The following TTC22 variants were observed in gnomAD, a reference collection of about 807,000 sequenced individuals.
The protein encoded by TTC22 is tetratricopeptide repeat protein 22.
A neutral mutation model predicts 48.2 loss-of-function variants in TTC22; 42 were observed. The ratio of observed to expected loss-of-function variants is 0.87; its 90% CI spans 0.68 to 1.13. The LOEUF (loss-of-function observed/expected upper bound fraction) is 1.13, where lower values mean the gene tolerates loss of function less well. Ranked by LOEUF, TTC22 falls within the 50% of genes most tolerant of loss-of-function variation. The probability of loss-of-function intolerance (pLI) is 0.00; values close to 1 mark genes in which losing one functional copy is unlikely to be tolerated. For missense variants in TTC22, 784 were observed against 807.0 expected, an observed-to-expected ratio of 0.97 and a Z score of 0.34; for synonymous variants, 345 against 365.5, an observed-to-expected ratio of 0.94 and a Z score of 0.64.
In TTC22 at chr1:54,787,009, C is replaced by T. The variant is rs770467589; in HGVS notation, c.806G>A (p.Gly269Asp). 30 of 1,563,176 alleles carry T rather than the reference C, an allele frequency of 1.9e-5. No individual in the cohort carries two copies. The highest frequency in any genetic ancestry group is 3.4e-4 in the Middle Eastern group (2 of 5,832). ...RKDTFSTTPMGVHDCGYSGTD... is the reference protein window; with the variant it reads ...RKDTFSTTPMDVHDCGYSGTD... ...CCCTGAGTACCCGCAGTCATGGACG[C>T]CCATGGGGGTGGTGGAGAAGGTGTC... Residue 269 changes from glycine to aspartate, a missense_variant, in exon 4 of 7, where the codon GGC becomes GAC. Transcript: ENST00000371276.
At position 54,794,428 on chromosome 1, in the gene TTC22, T is replaced by A. The variant is rs576051880; in HGVS notation, c.567+6169A>T. On this transcript the variant is annotated intron_variant, in intron 1 of 6. Coordinates refer to ENST00000371276, the MANE Select transcript of TTC22 (RefSeq NM_001114108.2). ...GGGGAGCTTGGCTATTTTAAGTTAT[T>A]CCAATAGAAGATCTTTCACTACCCC... is the stretch of plus-strand genomic sequence containing the variant. Among the ~76,000 whole-genome samples the A allele has an allele frequency of 2.0e-5, 3 of 152,326 alleles. No homozygotes were observed. In the South Asian group the frequency reaches 6.2e-4, roughly 32 times the overall value.
chr1:54,781,284 C>A lies in TTC22; in HGVS notation c.1669G>T (p.Gly557Cys). 6.8e-7 allele frequency: 1 copy of A among 1,478,278 alleles called. No homozygotes were observed. The highest frequency in any genetic ancestry group is 2.4e-5 in the Admixed American group (1 of 41,368). The allele number at this position is 1,478,278 out of a possible 1,614,324, so 91.6% of individuals were successfully genotyped here. ...CGGCGGTCCCGCGGCGCGCTGGCGC[C>A]CTCGCCCTCGCGCTCCATGGTCTCG... ...LFETMEREGEGASAPRDRRAV... is the reference protein window; with the variant it reads ...LFETMEREGECASAPRDRRAV... Residue 557 changes from glycine to cysteine, a missense_variant, in exon 7 of 7, where the codon GGC becomes TGC. Physicochemically the swap from Gly to Cys is radical, Grantham distance 159 (BLOSUM62 -3). Transcript: ENST00000371276.
rs1646310056 is a variant in TTC22 at position 54,787,067 on chromosome 1, A to C, written c.748T>G (p.Trp250Gly). The C allele has an allele frequency of 6.6e-7, 1 of 1,516,772 alleles. No homozygotes were observed. The highest frequency in any genetic ancestry group is 8.9e-7 in the Non-Finnish European group (1 of 1,128,166). 94.0% of individuals were successfully genotyped at this position (1,516,772 alleles called of 1,614,324 possible). Residue 250 changes from tryptophan (W) to glycine (G), a missense_variant, in exon 4 of 7, where the codon TGG becomes GGG. Coordinates refer to ENST00000371276, the MANE Select transcript of TTC22 (RefSeq NM_001114108.2). ...TCCAGCAGCATCCCGAGGTAGCACCAGGCCAGGGCTGGGGGTGAAGGGTGG... is the reference window on the plus strand; with the variant it reads ...TCCAGCAGCATCCCGAGGTAGCACCCGGCCAGGGCTGGGGGTGAAGGGTGG... ...SEDPRHRALA[W>G]CYLGMLLERK...
At chr1:54,781,823 C>G (rs1006101728) in intron 6 of TTC22, 44 bp from the exon 7 acceptor site, 215 of 1,377,422 alleles carry the variant, frequency 1.6e-4, no homozygotes, top group Non-Finnish European at 1.9e-4. Flanking sequence ...GCAGGCGCGG[C>G]TCCACGCTCA....
chr1:54,785,995 G>A lies in TTC22; in HGVS notation c.1008C>T (p.Cys336=). ...GAAGTTGACCCACCTTGGCCCTTGT[G>A]CAGTACGCCTGCCAGTTGAGTTCTG... ...RDPELNWQAY[C]TRAKIHIRAY... Residue 336 remains cysteine (C), a synonymous_variant, in exon 5 of 7, where the codon TGC becomes TGT. Coordinates refer to ENST00000371276, the MANE Select transcript of TTC22 (RefSeq NM_001114108.2). 1 of 1,613,666 alleles carries A rather than the reference G, an allele frequency of 6.2e-7. No individual in the cohort carries two copies. The highest frequency in any genetic ancestry group is 8.5e-7 in the Non-Finnish European group (1 of 1,179,866).
chr1:54,781,625 C>G lies in TTC22; in HGVS notation c.1328G>C (p.Arg443Pro). The part of the protein sequence containing the change: ...ELQLLRGKCL[R>P]IKGEDANAAA... Reference sequence around the variant, plus strand: ...CGCGTTGGCGTCCTCGCCCTTGATGCGCAGGCACTTGCCGCGCAGCAGCTG... The same window carrying G: ...CGCGTTGGCGTCCTCGCCCTTGATGGGCAGGCACTTGCCGCGCAGCAGCTG... The change falls in exon 7 of 7, where the codon CGC becomes CCC. Residue 443 changes from arginine to proline, a missense_variant. By Grantham distance (103) the Arg-to-Pro change is moderately radical (BLOSUM62 -2). Transcript: ENST00000371276. 3.9e-6 allele frequency: 6 copies of G among 1,530,278 alleles called. No individual in the cohort carries two copies. The highest frequency in any genetic ancestry group is 5.2e-6 in the Non-Finnish European group (6 of 1,144,012). 94.8% of individuals were successfully genotyped at this position (1,530,278 alleles called of 1,614,324 possible). A position where few individuals can be genotyped will look rare whatever the true frequency, so the allele number is the denominator to read the frequency against.
intron 1 of TTC22, among the ~76,000 whole-genome samples, chr1:54,796,289 G>A (rs551488006): frequency 2.9e-4 from 44 of 152,336 alleles, no homozygotes; most frequent in Non-Finnish European, 5.4e-4. Context: ...TCCCCACCCC[G>A]CTGGGCGCAG....
At chr1:54,786,876 G>A in intron 4 of TTC22, 81 bp downstream of exon 4, 1 of 644,196 alleles carries the variant, frequency 1.6e-6, no homozygotes, top group Non-Finnish European at 2.5e-6. Flanking sequence ...GATACCCAGA[G>A]AAGCCTGGGT....
Position 54,781,232 on chromosome 1 carries a change from G to A in TTC22, c.*11C>T, listed in dbSNP as rs1247398441. ...GGGTCCCAGGGAGCCTCCGGCCTGG[G>A]CACCTGAGCCCTAGAATGAGACAGC... On this transcript the variant is annotated 3_prime_UTR_variant, in exon 7 of 7. Transcript: ENST00000371276. 1 of 1,436,576 alleles carries A rather than the reference G, an allele frequency of 7.0e-7. No homozygotes were observed. Among genetic ancestry groups the A allele is most frequent in the Non-Finnish European group, 9.1e-7 (1 of 1,104,422 alleles). 89.0% of individuals were successfully genotyped at this position (1,436,576 alleles called of 1,614,324 possible).
At chr1:54,791,704 T>C (rs1301886365) in intron 1 of TTC22, among the ~76,000 whole-genome samples, 2 of 152,170 alleles carry the variant, frequency 1.3e-5, no homozygotes, top group Non-Finnish European at 2.9e-5. Flanking sequence ...CCCAGGCACC[T>C]TTCTTGCCTC....
At position 54,800,939 on chromosome 1, in the gene TTC22, G is replaced by A. The variant is rs747919820; in HGVS notation, c.225C>T (p.Phe75=). 17 of 1,607,976 alleles carry A rather than the reference G, an allele frequency of 1.1e-5. No homozygotes were observed. The highest frequency in any genetic ancestry group is 1.4e-5 in the Non-Finnish European group (16 of 1,178,860). ...RPAVRHLLGA[F]AFYLEELDEA... is the part of the protein sequence containing the mutation. The stretch of plus-strand genomic sequence containing the variant: ...CGTCCAGCTCCTCCAGGTAGAATGC[G>A]AAAGCGCCCAGGAGGTGACGCACAG... Residue 75 remains phenylalanine, a synonymous_variant, in exon 1 of 7, where the codon TTC becomes TTT. Transcript: ENST00000371276.
At chr1:54,800,461 T>G in intron 1 of TTC22, 136 bp downstream of exon 1, 5 of 781,042 alleles carry the variant, frequency 6.4e-6, no homozygotes, top group Non-Finnish European at 9.4e-6. Flanking sequence ...GGGATGCACA[T>G]TGGAAAGGCA....
intron 1 of TTC22, among the ~76,000 whole-genome samples, chr1:54,790,122 C>T (rs570928910): frequency 6.1e-4 from 93 of 152,304 alleles, no homozygotes; most frequent in African/African-American, 2.0e-3. Context: ...TGCCTGTACT[C>T]CCAGCACTTT....
chr1:54,800,530 A>G, intron 1 of TTC22, 67 bp downstream of exon 1: 1 of 1,322,822 alleles, frequency 7.6e-7, no homozygotes, highest in Non-Finnish European at 9.9e-7. Context: ...GCATCTCTGC[A>G]GACAGAAGGG....
At chr1:54,797,788 T>A (rs1646404155) in intron 1 of TTC22, among the ~76,000 whole-genome samples, 1 of 152,234 alleles carries the variant, frequency 6.6e-6, no homozygotes, top group African/African-American at 2.4e-5. Flanking sequence ...ATTATTGTTA[T>A]TATTTTGTAG....
In TTC22 at chr1:54,781,239, A is replaced by G; in HGVS notation, c.*4T>C. The G allele has an allele frequency of 1.4e-6, 2 of 1,452,276 alleles. No homozygotes were observed. The highest frequency in any genetic ancestry group is 1.8e-6 in the Non-Finnish European group (2 of 1,111,146). The allele number at this position is 1,452,276 out of a possible 1,614,324, so 90.0% of individuals were successfully genotyped here. ...AGGGAGCCTCCGGCCTGGGCACCTG[A>G]GCCCTAGAATGAGACAGCCCGGCGG... On this transcript the variant is annotated 3_prime_UTR_variant, in exon 7 of 7. Coordinates refer to ENST00000371276, the MANE Select transcript of TTC22 (RefSeq NM_001114108.2).
At position 54,781,705 on chromosome 1, in the gene TTC22, C is replaced by T. The variant is rs1336682664; in HGVS notation, c.1248G>A (p.Leu416=). 1 of 1,528,152 alleles carries T rather than the reference C, an allele frequency of 6.5e-7. No individual in the cohort carries two copies. Among genetic ancestry groups the T allele is most frequent in the South Asian group, 1.2e-5 (1 of 82,856 alleles). 94.7% of individuals were successfully genotyped at this position (1,528,152 alleles called of 1,614,324 possible). A position where few individuals can be genotyped will look rare whatever the true frequency, so the allele number is the denominator to read the frequency against. ...AVDEAALNQA[L]VFLAKAGESE... ...ACTCGCCCGCCTTGGCCAGGAACAC[C>T]AGCGCCTGGTTCAGCGCCGCCTCGT... The change falls in exon 7 of 7, where the codon CTG becomes CTA. Residue 416 remains leucine, a synonymous_variant. Coordinates refer to ENST00000371276, the MANE Select transcript of TTC22 (RefSeq NM_001114108.2).
intron 1 of TTC22, among the ~76,000 whole-genome samples, chr1:54,796,169 TGTGCGCGTGTGTGTGTCTGTGCGC>T (rs1646388451): frequency 6.6e-6 from 1 of 152,242 alleles, no homozygotes; most frequent in Non-Finnish European, 1.5e-5. Flanking sequence ...GTCGTGTGTG[TGTGCGCGTGTGTGTGTCTGTGCGC>T]GTGCGCACGT....
intron 1 of TTC22, chr1:54,792,866 C>T (rs1646363193): frequency 6.6e-6 from 1 of 152,212 alleles, no homozygotes; most frequent in Non-Finnish European, 1.5e-5. Context: ...TGACTGCCCC[C>T]TCCCCTCCTG....
Sources: gnomAD v4.1 joint callset for allele counts (sites outside exome capture counted in the v4.1 genomes callset) on GRCh38, gnomAD v4.1.1 for gene constraint, MANE v1.5 for transcripts, NCBI Gene and HGNC (gene_info 2026-07-23, HGNC 2026-07-21) for gene names.